The following ZNRF3 variants were observed in gnomAD, a reference collection of about 807,000 sequenced individuals.
ZNRF3 encodes zinc and ring finger 3.
ZNRF3 carries 23 observed loss-of-function variants against 72.5 expected under a neutral mutation model. That is an observed-to-expected ratio of 0.32 (90% CI 0.23 to 0.45). The LOEUF (loss-of-function observed/expected upper bound fraction) is 0.45. Among genes scored for constraint, ZNRF3 ranks in the 20% least tolerant of loss-of-function variants. The pLI is 1.00. For missense variants in ZNRF3, 1,169 were observed against 1,272.1 expected (o/e 0.92, Z 1.23); for synonymous variants, 610 against 545.3 (o/e 1.12, Z -1.65).
intron 2 of ZNRF3, among the ~76,000 whole-genome samples, chr22:29,021,515 T>G (rs1194577976): frequency 1.3e-5 from 2 of 149,064 alleles, no homozygotes; most frequent in Non-Finnish European, 1.5e-5. Flanking sequence ...GGAGACAGAG[T>G]CTCGTTCTGT....
At chr22:28,933,805 C>T (rs976528403) in intron 1 of ZNRF3, among the ~76,000 whole-genome samples, 2 of 147,982 alleles carry the variant, frequency 1.4e-5, no homozygotes, top group Admixed American at 1.4e-4. Flanking sequence ...CCTCCCCCTC[C>T]CCCTCATCTG....
rs192175691 is a variant in ZNRF3 at position 29,000,586 on chromosome 22, C to T, written c.426+13385C>T. On this transcript the variant is annotated intron_variant, in intron 2 of 8. Transcript: ENST00000544604. The stretch of plus-strand genomic sequence containing the variant: ...TACAATTTACAATTTATAGCATCAA[C>T]TTAATCTTACTATTTCAGTTACTGT... Among the ~76,000 whole-genome samples, 788 of 152,252 alleles carry T rather than the reference C, an allele frequency of 5.2e-3. 6 individuals carry two copies. The highest frequency in any genetic ancestry group is 7.5e-3 in the Non-Finnish European group (510 of 68,022).
At chr22:29,003,385 T>G (rs1379656527) in intron 2 of ZNRF3, among the ~76,000 whole-genome samples, 2 of 151,794 alleles carry the variant, frequency 1.3e-5, no homozygotes, top group Non-Finnish European at 2.9e-5. Context: ...CCAGGCGTGG[T>G]GGCGGGCGCC....
At chr22:29,046,640 C>T (rs1455797874) in intron 5 of ZNRF3, 76 bp from the exon 6 acceptor site, 2 of 1,387,368 alleles carry the variant, frequency 1.4e-6, no homozygotes, top group South Asian at 1.8e-5. Context: ...CCCAGTGAAT[C>T]GTGTGTCATG....
intron 2 of ZNRF3, among the ~76,000 whole-genome samples, chr22:29,039,706 G>C (rs2036924453): frequency 6.6e-6 from 1 of 151,108 alleles, no homozygotes; most frequent in Non-Finnish European, 1.5e-5. Flanking sequence ...CAGCACTTTG[G>C]GAGGCCGGAA....
intron 1 of ZNRF3, among the ~76,000 whole-genome samples, chr22:28,919,348 G>C (rs2034468283): frequency 6.6e-6 from 1 of 152,132 alleles, no homozygotes; most frequent in African/African-American, 2.4e-5. Flanking sequence ...CTTTTGCCAG[G>C]TATTGGGTTA....
chr22:28,891,076 G>A (rs2033877885), intron 1 of ZNRF3, among the ~76,000 whole-genome samples: 1 of 152,130 alleles, frequency 6.6e-6, no homozygotes, highest in African/African-American at 2.4e-5. Flanking sequence ...CTTCTTGATG[G>A]TATTTTCCCA....
rs2123894500 is a variant in ZNRF3, at chr22:29,056,348, ACC to A, written c.*2727_*2728del. The A allele has an allele frequency of 6.6e-6, 1 of 152,202 alleles. No individual in the cohort carries two copies. The highest frequency in any genetic ancestry group is 1.5e-5 in the Non-Finnish European group (1 of 68,016). The allele number at this position is 152,202 out of a possible 1,614,324, so 9.4% of individuals were successfully genotyped here. A position where few individuals can be genotyped will look rare whatever the true frequency, so the allele number is the denominator to read the frequency against. ...ATTCCCGACCTCAGGTGATCCGCCC[ACC>A]TCGGCCTCCCAAAGTGCTGGGATTA... On this transcript the variant is annotated 3_prime_UTR_variant, in exon 9 of 9. Coordinates refer to ENST00000544604, the MANE Select transcript of ZNRF3 (RefSeq NM_001206998.2).
intron 2 of ZNRF3, among the ~76,000 whole-genome samples, chr22:28,995,647 CTGA>C (rs2036034227): frequency 1.3e-5 from 2 of 152,162 alleles, no homozygotes; most frequent in South Asian, 2.1e-4. Flanking sequence ...ACTGAGTTCT[CTGA>C]TGAAAGTCAA....
chr22:29,052,423 G>C (rs144778947), intron 8 of ZNRF3, among the ~76,000 whole-genome samples: 4 of 152,150 alleles, frequency 2.6e-5, no homozygotes, highest in Admixed American at 6.5e-5. Flanking sequence ...GGCCGGGTGC[G>C]GTGATTCACG....
intron 3 of ZNRF3, 99 bp from the exon 4 acceptor site, chr22:29,043,200 A>G: frequency 7.4e-7 from 1 of 1,343,200 alleles, no homozygotes; most frequent in Non-Finnish European, 1.0e-6. Context: ...GGAGGATTCC[A>G]GACAGGTATT....
chr22:28,986,341 C>T (rs2035854271), intron 1 of ZNRF3, among the ~76,000 whole-genome samples: 1 of 152,184 alleles, frequency 6.6e-6, no homozygotes, highest in Non-Finnish European at 1.5e-5. Flanking sequence ...ATGTTTATCC[C>T]TGAGGATTTC....
chr22:28,928,378 T>C (rs1201067649), intron 1 of ZNRF3, among the ~76,000 whole-genome samples: 10 of 152,088 alleles, frequency 6.6e-5, no homozygotes, highest in Non-Finnish European at 1.0e-4. Context: ...CACACCTTAG[T>C]ACTCCAACAT....
At chr22:29,029,638 G>A (rs1004956012) in intron 2 of ZNRF3, among the ~76,000 whole-genome samples, 2 of 152,186 alleles carry the variant, frequency 1.3e-5, no homozygotes, top group Admixed American at 6.5e-5. Context: ...TTGCTGCTGG[G>A]GTTTTATCTA....
At chr22:28,943,806 C>T (rs2123789167) in intron 1 of ZNRF3, among the ~76,000 whole-genome samples, 1 of 152,268 alleles carries the variant, frequency 6.6e-6, no homozygotes, top group East Asian at 1.9e-4. Flanking sequence ...CACATTTTAA[C>T]ACATTTATTT....
At chr22:28,897,370 G>A (rs1251463024) in intron 1 of ZNRF3, among the ~76,000 whole-genome samples, 1 of 152,204 alleles carries the variant, frequency 6.6e-6, no homozygotes, top group East Asian at 1.9e-4. Context: ...ACCCAGGCTG[G>A]AGTACAGTGA....
At chr22:29,031,220 T>C (rs1569288773) in intron 2 of ZNRF3, 1 of 152,264 alleles carries the variant, frequency 6.6e-6, no homozygotes, top group Non-Finnish European at 1.5e-5. Flanking sequence ...CAGATATTTT[T>C]TTAAAGCTGT....
chr22:28,915,095 G>A (rs150780758), intron 1 of ZNRF3, among the ~76,000 whole-genome samples: 1 of 152,316 alleles, frequency 6.6e-6, no homozygotes, highest in East Asian at 1.9e-4. Flanking sequence ...TTCTGGTTCT[G>A]TCTTCTAGAG....
intron 1 of ZNRF3, among the ~76,000 whole-genome samples, chr22:28,895,606 A>G (rs1205653286): frequency 1.3e-5 from 2 of 152,066 alleles, no homozygotes; most frequent in Admixed American, 6.5e-5. Context: ...GGCGGAGCTT[A>G]CAGTGAGCCG....
Sources: gnomAD v4.1 joint callset for allele counts (sites outside exome capture counted in the v4.1 genomes callset) on GRCh38, gnomAD v4.1.1 for gene constraint, MANE v1.5 for transcripts, NCBI Gene and HGNC (gene_info 2026-07-23, HGNC 2026-07-21) for gene names.